Variants in NEBL observed in about 807,000 individuals in gnomAD.
The protein encoded by NEBL is LIM and SH3 protein 2.
Under a neutral mutation model 140.2 loss-of-function variants are expected in NEBL, and 122 were observed. That is an observed-to-expected ratio of 0.87 (90% CI 0.75 to 1.01). The LOEUF (loss-of-function observed/expected upper bound fraction) is 1.01, where lower values mean the gene tolerates loss of function less well. NEBL is among the 50% of genes least tolerant of loss of function. The pLI is 0.00. For synonymous variants in NEBL, 436 were observed against 398.9 expected, an observed-to-expected ratio of 1.09 and a Z score of -1.11; for missense variants, 1,365 against 1,231.3, an observed-to-expected ratio of 1.11 and a Z score of -1.62.
chr10:20,823,711 C>T (rs1004300856), intron 18 of NEBL, among the ~76,000 whole-genome samples: 7 of 151,860 alleles, frequency 4.6e-5, no homozygotes, highest in Admixed American at 4.6e-4. Context: ...GATTTAGCCA[C>T]AGAGTCTGGG....
intron 3 of NEBL, among the ~76,000 whole-genome samples, chr10:20,995,260 C>T (rs999019200): frequency 2.0e-5 from 3 of 152,138 alleles, no homozygotes; most frequent in Non-Finnish European, 4.4e-5. Context: ...GCATGCAGGG[C>T]AGACATCATA....
chr10:21,251,748 G>A (rs1161367481), exon 2 of NEBL, among the ~76,000 whole-genome samples: 1 of 152,036 alleles, frequency 6.6e-6, no homozygotes, highest in African/African-American at 2.4e-5. Context: ...TGCCATATGA[G>A]GACACAGAGA....
At chr10:20,890,896 A>C (rs1010902448) in intron 2 of NEBL, among the ~76,000 whole-genome samples, 1 of 152,252 alleles carries the variant, frequency 6.6e-6, no homozygotes, top group African/African-American at 2.4e-5. Flanking sequence ...TAATTTGCTA[A>C]AAGTTGTATC....
intron 2 of NEBL, among the ~76,000 whole-genome samples, chr10:21,150,889 G>C (rs770048574): frequency 2.0e-5 from 3 of 152,130 alleles, no homozygotes; most frequent in African/African-American, 7.2e-5. Flanking sequence ...GAAGAACAAG[G>C]TTCCGTTGTC....
intron 11 of NEBL, among the ~76,000 whole-genome samples, chr10:20,848,567 T>G (rs1433067703): frequency 6.6e-6 from 1 of 152,172 alleles, no homozygotes; most frequent in Non-Finnish European, 1.5e-5. Flanking sequence ...GAGCTCTGCC[T>G]CCTGTCAGAT....
chr10:20,968,455 G>A (rs760613552), intron 3 of NEBL, among the ~76,000 whole-genome samples: 15 of 152,222 alleles, frequency 9.9e-5, no homozygotes, highest in Admixed American at 9.2e-4. Context: ...AGGCTGCAGT[G>A]AGCTATGTTC....
intron 2 of NEBL, among the ~76,000 whole-genome samples, chr10:21,083,105 G>A (rs1429472357): frequency 2.0e-5 from 3 of 152,130 alleles, no homozygotes; most frequent in Admixed American, 6.5e-5. Context: ...AAGCAGGAGC[G>A]CAGTGCTGAG....
intron 3 of NEBL, among the ~76,000 whole-genome samples, chr10:20,975,530 G>A (rs2131646245): frequency 6.6e-6 from 1 of 152,202 alleles, no homozygotes. Context: ...TAGGGATTGT[G>A]TATGTTTCAT....
At chr10:21,205,704 AT>A (rs1041329092) in intron 3 of NEBL, among the ~76,000 whole-genome samples, 3 of 152,120 alleles carry the variant, frequency 2.0e-5, no homozygotes, top group African/African-American at 7.2e-5. Context: ...AACAAAGGTG[AT>A]TTTTATTTTC....
chr10:21,125,573 G>GA (rs1324548611), intron 2 of NEBL, among the ~76,000 whole-genome samples: 2 of 152,146 alleles, frequency 1.3e-5, no homozygotes, highest in African/African-American at 4.8e-5. Context: ...CATCACTGTA[G>GA]AAAAACAAAG....
intron 3 of NEBL, among the ~76,000 whole-genome samples, chr10:20,997,467 T>A (rs1239075472): frequency 9.1e-5 from 4 of 44,126 alleles, no homozygotes; most frequent in Non-Finnish European, 1.3e-4. Context: ...ACGCACAGTC[T>A]CAGTAAAAAA....
rs376921219 is a variant in NEBL at position 21,242,509 on chromosome 10, T to G, written n.348+5412A>C. Among the ~76,000 whole-genome samples the G allele has an allele frequency of 2.6e-4, 39 of 152,294 alleles. No individual in the cohort carries two copies. The East Asian group carries it at 6.7e-3, about 26-fold the overall frequency. ...CTGAAAAACTACCTATCAGGTACTA[T>G]GCTTATTACCTGGATGACAAAATAA... is the stretch of plus-strand genomic sequence containing the variant. On this transcript the variant is annotated intron_variant and non_coding_transcript_variant, in intron 3 of 8. Transcript: ENST00000675702.
chr10:21,155,180 C>G (rs1840292571), intron 2 of NEBL, among the ~76,000 whole-genome samples: 1 of 152,276 alleles, frequency 6.6e-6, no homozygotes, highest in African/African-American at 2.4e-5. Context: ...GCCTCGGCGA[C>G]AGAGCAAGAC....
intron 3 of NEBL, among the ~76,000 whole-genome samples, chr10:20,977,316 G>A (rs151337578): frequency 8.5e-5 from 13 of 152,332 alleles, no homozygotes; most frequent in African/African-American, 3.1e-4. Context: ...TCTAGTGGCA[G>A]GTCGTCTTCG....
intron 1 of NEBL, among the ~76,000 whole-genome samples, chr10:21,257,397 A>G (rs1842672037): frequency 1.3e-5 from 2 of 152,228 alleles, no homozygotes. Flanking sequence ...AGCCACTTCA[A>G]GCACAGTGGA....
At chr10:20,977,160 G>T (rs1004140229) in intron 3 of NEBL, among the ~76,000 whole-genome samples, 3 of 152,104 alleles carry the variant, frequency 2.0e-5, no homozygotes, top group Admixed American at 6.5e-5. Flanking sequence ...ACCTTCCAAA[G>T]GCCGACCTCC....
chr10:21,057,482 A>G (rs1339401241), intron 2 of NEBL, among the ~76,000 whole-genome samples: 3 of 149,086 alleles, frequency 2.0e-5, no homozygotes, highest in African/African-American at 7.4e-5. Flanking sequence ...ACTACAAACT[A>G]GTTTTCAAAT....
intron 19 of NEBL, 86 bp from the exon 20 acceptor site, chr10:20,819,602 A>C (rs1219641508): frequency 6.8e-7 from 1 of 1,463,408 alleles, no homozygotes; most frequent in African/African-American, 1.4e-5. Context: ...TAAATGTCAC[A>C]TGGCTACAGA....
At position 21,060,596 on chromosome 10, in the gene NEBL, A is replaced by AT. The variant is rs550846963; in HGVS notation, c.165-40396dup. On this transcript the variant is annotated intron_variant, in intron 2 of 6. Coordinates refer to the NEBL transcript ENST00000417816. ...ATTTTAAAATGGTTTTATTTATCTCATTTTTTTTAAAAATCCCCTGGAACA... is the reference window on the plus strand; with the variant it reads ...ATTTTAAAATGGTTTTATTTATCTCATTTTTTTTTAAAAATCCCCTGGAACA... Among the ~76,000 whole-genome samples, 1,023 of 151,434 alleles carry AT rather than the reference A, an allele frequency of 6.8e-3. 12 individuals carry two copies. The highest frequency in any genetic ancestry group is 0.024 in the African/African-American group (977 of 41,274).
Sources: gnomAD v4.1 joint callset for allele counts (sites outside exome capture counted in the v4.1 genomes callset) on GRCh38, gnomAD v4.1.1 for gene constraint, MANE v1.5 for transcripts, NCBI Gene and HGNC (gene_info 2026-07-23, HGNC 2026-07-21) for gene names.